RGS7: variants seen among roughly 807,000 people sequenced by gnomAD.
RGS7 encodes the protein regulator of G-protein signaling 7.
In RGS7, 27 loss-of-function variants were observed where a neutral mutation model predicts 81.1. The ratio of observed to expected loss-of-function variants is 0.33; its 90% CI spans 0.25 to 0.46. The LOEUF (loss-of-function observed/expected upper bound fraction) is 0.46. RGS7 is among the 20% of genes least tolerant of loss of function. RGS7 has a pLI of 1.00. For missense variants in RGS7, 396 were observed against 607.4 expected, an observed-to-expected ratio of 0.65 and a Z score of 3.66; for synonymous variants, 208 against 207.7, an observed-to-expected ratio of 1.00 and a Z score of -0.01.
At chr1:240,813,045 A>G (rs1425061971) in intron 13 of RGS7, among the ~76,000 whole-genome samples, 2 of 152,144 alleles carry the variant, frequency 1.3e-5, no homozygotes, top group Non-Finnish European at 1.5e-5. Flanking sequence ...TTTTCTTTGT[A>G]AAGTGATACG....
At chr1:240,984,930 A>C (rs187871486) in intron 3 of RGS7, among the ~76,000 whole-genome samples, 222 of 152,330 alleles carry the variant, frequency 1.5e-3, no homozygotes, top group Non-Finnish European at 2.0e-3. Flanking sequence ...AATAACTCCA[A>C]GTATTGACTT....
At chr1:241,235,615 CT>C (rs1558219675) in intron 2 of RGS7, among the ~76,000 whole-genome samples, 3 of 148,642 alleles carry the variant, frequency 2.0e-5, no homozygotes, top group South Asian at 2.1e-4. Context: ...TTCTTTCTTC[CT>C]TTCCCTTTTC....
chr1:241,233,565 T>A (rs1430156338), intron 2 of RGS7, among the ~76,000 whole-genome samples: 2 of 152,198 alleles, frequency 1.3e-5, no homozygotes, highest in African/African-American at 4.8e-5. Flanking sequence ...AAGGACAGGA[T>A]TTCATGCTTT....
rs113408757 is a variant in RGS7 at position 240,886,584 on chromosome 1, C to T, written c.386-16465G>A. Among the ~76,000 whole-genome samples, 658 of 152,224 alleles carry T rather than the reference C, an allele frequency of 4.3e-3. 4 individuals are homozygous for T. The highest frequency in any genetic ancestry group is 6.9e-3 in the Non-Finnish European group (470 of 68,008). On this transcript the variant is annotated intron_variant, in intron 6 of 18. Transcript: ENST00000440928. The stretch of plus-strand genomic sequence containing the variant: ...ATTCCTTCCCATTCCCACTCCTCAC[C>T]GCTCTCTCCCTTTCTCTTTCTTTTT...
chr1:240,929,160 A>T (rs988736785), intron 6 of RGS7, among the ~76,000 whole-genome samples: 2 of 152,170 alleles, frequency 1.3e-5, no homozygotes, highest in Non-Finnish European at 2.9e-5. Flanking sequence ...TTATGACAGT[A>T]TTTATGTTCA....
chr1:241,217,186 T>G (rs1172073955), intron 2 of RGS7, among the ~76,000 whole-genome samples: 1 of 152,112 alleles, frequency 6.6e-6, no homozygotes, highest in Non-Finnish European at 1.5e-5. Flanking sequence ...TGAGCTTGCT[T>G]TCTCTCTCCA....
At chr1:241,347,620 A>G (rs1379903853) in intron 2 of RGS7, among the ~76,000 whole-genome samples, 1 of 152,190 alleles carries the variant, frequency 6.6e-6, no homozygotes, top group Admixed American at 6.5e-5. Flanking sequence ...TATGAAATAG[A>G]GATGAATTGA....
chr1:241,321,421 C>A (rs1226981765), intron 2 of RGS7, among the ~76,000 whole-genome samples: 1 of 152,124 alleles, frequency 6.6e-6, no homozygotes, highest in Admixed American at 6.5e-5. Context: ...AAACTCGATC[C>A]CCCTTCCACC....
At chr1:241,100,521 A>C (rs1052937111) in intron 2 of RGS7, among the ~76,000 whole-genome samples, 2 of 152,090 alleles carry the variant, frequency 1.3e-5, no homozygotes, top group African/African-American at 4.8e-5. Flanking sequence ...AAATAACTGG[A>C]GATGTGGAAA....
At chr1:241,034,711 C>T (rs1388438839) in intron 3 of RGS7, among the ~76,000 whole-genome samples, 1 of 152,176 alleles carries the variant, frequency 6.6e-6, no homozygotes, top group East Asian at 1.9e-4. Flanking sequence ...TATACTGTGT[C>T]ATGCATGGAG....
chr1:241,351,686 G>A (rs921010607), intron 2 of RGS7, among the ~76,000 whole-genome samples: 4 of 152,160 alleles, frequency 2.6e-5, no homozygotes, highest in African/African-American at 9.7e-5. Context: ...GACTATATAA[G>A]GATGAAGGGA....
At chr1:241,077,677 A>C (rs2062879083) in intron 3 of RGS7, among the ~76,000 whole-genome samples, 1 of 152,192 alleles carries the variant, frequency 6.6e-6, no homozygotes, top group Admixed American at 6.5e-5. Context: ...ATCCTTCAGC[A>C]CAGCTCTGTG....
At chr1:240,928,604 ATTTTTTT>A (rs769378768) in intron 6 of RGS7, among the ~76,000 whole-genome samples, 31 of 134,922 alleles carry the variant, frequency 2.3e-4, no homozygotes, top group Admixed American at 2.0e-3. Context: ...TTTCTTTATA[ATTTTTTT>A]TTTTTTTTTT....
chr1:240,845,180 T>TGA (rs1658843903), intron 9 of RGS7, among the ~76,000 whole-genome samples: 1 of 152,196 alleles, frequency 6.6e-6, no homozygotes, highest in Admixed American at 6.5e-5. Flanking sequence ...GAGGTAGACA[T>TGA]GAACATTTCT....
chr1:241,235,412 C>T (rs1915888), intron 2 of RGS7, among the ~76,000 whole-genome samples: 88,442 of 151,846 alleles, frequency 0.58, 25,970 homozygotes, highest in African/African-American at 0.61. Flanking sequence ...GATCCAAAGC[C>T]TGGAACAGGC....
intron 6 of RGS7, among the ~76,000 whole-genome samples, chr1:240,889,263 A>T (rs1465019471): frequency 6.6e-6 from 1 of 152,174 alleles, no homozygotes; most frequent in Non-Finnish European, 1.5e-5. Flanking sequence ...GGCGAGAGGT[A>T]ACTTTTGAAT....
intron 2 of RGS7, among the ~76,000 whole-genome samples, chr1:241,100,684 C>T (rs752529192): frequency 5.3e-5 from 8 of 152,096 alleles, no homozygotes; most frequent in Non-Finnish European, 1.0e-4. Flanking sequence ...TTCTTCATAG[C>T]GTTCTTCATG....
intron 2 of RGS7, among the ~76,000 whole-genome samples, chr1:241,255,683 AGAATTCTGCATTCATATGCAACTG>A (rs997221310): frequency 2.6e-5 from 4 of 152,190 alleles, no homozygotes; most frequent in Non-Finnish European, 5.9e-5. Flanking sequence ...AAATGTGGAG[AGAATTCTGCATTCATATGCAACTG>A]GAATTCTGAA....
intron 6 of RGS7, among the ~76,000 whole-genome samples, chr1:240,921,282 G>T (rs1673490464): frequency 6.6e-6 from 1 of 151,848 alleles, no homozygotes; most frequent in Non-Finnish European, 1.5e-5. Context: ...TGAAGATTGT[G>T]TAACATCTAT....
Sources: allele counts gnomAD v4.1 joint callset (sites outside exome capture counted in the v4.1 genomes callset), GRCh38; gene constraint gnomAD v4.1.1; transcripts MANE v1.5; gene names NCBI Gene and HGNC (gene_info 2026-07-23, HGNC 2026-07-21).